The following CSMD1 variants were observed in gnomAD, a reference collection of about 807,000 sequenced individuals.
CSMD1 encodes the protein CUB and Sushi multiple domains 1.
A neutral mutation model predicts 417.5 loss-of-function variants in CSMD1; 213 were observed. The ratio of observed to expected loss-of-function variants is 0.51; its 90% confidence interval spans 0.46 to 0.57. CSMD1 has a LOEUF of 0.57. CSMD1 is among the 20% of genes least tolerant of loss of function. The pLI is 0.00. For missense variants in CSMD1, 6,923 were observed against 4,529.7 expected (o/e 1.53, Z -15.17); for synonymous variants, 2,862 against 1,736.8 (o/e 1.65, Z -16.11).
intron 37 of CSMD1, among the ~76,000 whole-genome samples, chr8:3,178,771 A>G (rs933370918): frequency 1.3e-5 from 2 of 152,126 alleles, no homozygotes; most frequent in Admixed American, 6.5e-5. Flanking sequence ...ATAAAATAAA[A>G]ATCTGAATTT....
rs554655083 is a variant in CSMD1, at chr8:3,386,156, C to A, written c.2782+1338G>T. On this transcript the variant is annotated intron_variant, in intron 18 of 69. Transcript: ENST00000635120. ...GATGTATTAGAATTATAACCAATAGCAGGAAAAGAAAAATGCCTCAGCTCA... is the reference window on the plus strand; with the variant it reads ...GATGTATTAGAATTATAACCAATAGAAGGAAAAGAAAAATGCCTCAGCTCA... Among the ~76,000 whole-genome samples the A allele has an allele frequency of 5.3e-5, 8 of 152,212 alleles. No individual in the cohort carries two copies. The East Asian group carries it at 1.2e-3, about 22-fold the overall frequency.
rs1239198195 is a variant in CSMD1, at chr8:4,994,616, T to C, written c.-200A>G. 5.2e-6 allele frequency: 3 copies of C among 578,930 alleles called. No homozygotes were observed. The highest frequency in any genetic ancestry group is 2.8e-5 in the Admixed American group (1 of 35,818). The allele number at this position is 578,930 out of a possible 1,614,324, so 35.9% of individuals were successfully genotyped here. ...CTCATAGCATCGGGTCCCGAGCCAC[T>C]GCAGGGCTGAGCTGCTCCGAGCGCG... On this transcript the variant is annotated 5_prime_UTR_variant, in exon 1 of 70. Coordinates refer to ENST00000635120, the MANE Select transcript of CSMD1 (RefSeq NM_033225.6).
chr8:4,552,252 C>G (rs12682212), intron 2 of CSMD1, among the ~76,000 whole-genome samples: 44,502 of 151,940 alleles, frequency 0.29, 7,445 homozygotes, highest in Admixed American at 0.41. Flanking sequence ...AGTAACTCAT[C>G]TGCTGTGTTT....
intron 34 of CSMD1, 26 bp from the exon 35 acceptor site, chr8:3,189,037 A>G: frequency 6.2e-7 from 1 of 1,601,618 alleles, no homozygotes; most frequent in South Asian, 1.1e-5. Context: ...ATATGTCATG[A>G]AATAAAGTGC....
At chr8:3,662,845 G>A (rs993905907) in intron 7 of CSMD1, among the ~76,000 whole-genome samples, 2 of 152,082 alleles carry the variant, frequency 1.3e-5, no homozygotes, top group Non-Finnish European at 2.9e-5. Flanking sequence ...TCGGTGGGTA[G>A]GGGGAAAGAG....
intron 1 of CSMD1, among the ~76,000 whole-genome samples, chr8:4,976,534 A>C (rs964113914): frequency 6.6e-6 from 1 of 152,210 alleles, no homozygotes; most frequent in African/African-American, 2.4e-5. Flanking sequence ...CTAGCATTCA[A>C]TACTTACAAA....
chr8:3,275,856 T>C (rs1802248218), intron 26 of CSMD1, among the ~76,000 whole-genome samples: 1 of 152,118 alleles, frequency 6.6e-6, no homozygotes, highest in Admixed American at 6.6e-5. Context: ...GTTTTCAACT[T>C]CTTTGCCTTT....
At chr8:4,788,467 T>C (rs1797524645) in intron 1 of CSMD1, 1 of 1,336,456 alleles carries the variant, frequency 7.5e-7, no homozygotes, top group African/African-American at 1.5e-5. Flanking sequence ...CAGCTCAATT[T>C]ACTGCTCAGA....
In CSMD1 at chr8:4,893,550, A is replaced by C. The variant is rs1370757; in HGVS notation, c.85+100782T>G. On this transcript the variant is annotated intron_variant, in intron 1 of 69. Transcript: ENST00000635120. ...TGAATAATAATTTTATGTTTTCCTC[A>C]AACCCAGATGACAATTCTTTTGTAA... is the stretch of plus-strand genomic sequence containing the variant. Among the ~76,000 whole-genome samples the C allele has an allele frequency of 2.6e-5, 4 of 152,166 alleles. 1 individual carries two copies. The South Asian group carries it at 8.3e-4, about 32-fold the overall frequency.
chr8:4,827,034 T>G (rs563587674), intron 1 of CSMD1, among the ~76,000 whole-genome samples: 1 of 152,060 alleles, frequency 6.6e-6, no homozygotes, highest in Non-Finnish European at 1.5e-5. Context: ...TATGTTTGTA[T>G]CCATGGATGG....
chr8:3,550,652 G>T (rs986150573), intron 10 of CSMD1, among the ~76,000 whole-genome samples: 1 of 152,006 alleles, frequency 6.6e-6, no homozygotes, highest in Non-Finnish European at 1.5e-5. Flanking sequence ...CTTTCTTACT[G>T]GTTTGCTTTC....
At chr8:3,094,010 A>C (rs1358657284) in intron 47 of CSMD1, among the ~76,000 whole-genome samples, 1 of 152,176 alleles carries the variant, frequency 6.6e-6, no homozygotes. Context: ...GCCACTGGTA[A>C]ATTAATTAAC....
chr8:3,600,194 C>A (rs190380289), intron 8 of CSMD1, among the ~76,000 whole-genome samples: 2 of 152,192 alleles, frequency 1.3e-5, no homozygotes. Flanking sequence ...CTTCCCGAAT[C>A]TTTCCAGGTA....
chr8:3,992,400 G>C (rs1814824185), intron 5 of CSMD1, among the ~76,000 whole-genome samples: 1 of 152,054 alleles, frequency 6.6e-6, no homozygotes. Context: ...AATCTAATCA[G>C]TGATTGGCTG....
At chr8:3,337,738 C>A (rs369785553) in intron 23 of CSMD1, among the ~76,000 whole-genome samples, 2 of 152,180 alleles carry the variant, frequency 1.3e-5, no homozygotes, top group African/African-American at 4.8e-5. Flanking sequence ...ACACATTCAC[C>A]TGGAATCGGC....
intron 1 of CSMD1, among the ~76,000 whole-genome samples, chr8:4,878,788 T>A (rs917910154): frequency 2.6e-5 from 4 of 151,726 alleles, no homozygotes; most frequent in Non-Finnish European, 5.9e-5. Context: ...TAGTTTGAGT[T>A]TATCCCTCCT....
intron 1 of CSMD1, among the ~76,000 whole-genome samples, chr8:4,882,391 G>C (rs868674440): frequency 2.6e-5 from 4 of 151,734 alleles, no homozygotes; most frequent in Middle Eastern, 3.2e-3. Flanking sequence ...GAAGAGTATT[G>C]GGGAGCGAGT....
At chr8:4,388,266 C>A (rs1480430938) in intron 3 of CSMD1, among the ~76,000 whole-genome samples, 1 of 150,886 alleles carries the variant, frequency 6.6e-6, no homozygotes, top group African/African-American at 2.4e-5. Flanking sequence ...GGAATGAACC[C>A]AAATATCCAT....
intron 1 of CSMD1, among the ~76,000 whole-genome samples, chr8:4,843,022 A>T (rs372233095): frequency 5.4e-4 from 82 of 152,312 alleles, no homozygotes; most frequent in African/African-American, 1.8e-3. Context: ...CAGGACTCTA[A>T]CATCAACTGA....
Sources: gnomAD v4.1 joint callset for allele counts (sites outside exome capture counted in the v4.1 genomes callset) on GRCh38, gnomAD v4.1.1 for gene constraint, MANE v1.5 for transcripts, NCBI Gene and HGNC (gene_info 2026-07-23, HGNC 2026-07-21) for gene names.